The following MAOB variants were observed in gnomAD, a reference collection of about 807,000 sequenced individuals.
MAOB encodes monoamine oxidase B.
Under a neutral mutation model 41.9 loss-of-function variants are expected in MAOB, and 15 were observed. That is an observed-to-expected ratio of 0.36 (90% CI 0.24 to 0.55). The LOEUF (loss-of-function observed/expected upper bound fraction) is 0.55. MAOB is among the 20% of genes least tolerant of loss of function. The pLI is 0.86. For synonymous variants in MAOB, 167 were observed against 144.2 expected, an observed-to-expected ratio of 1.16 and a Z score of -1.13; for missense variants, 345 against 398.7, an observed-to-expected ratio of 0.87 and a Z score of 1.15.
At position 43,795,731 on chromosome X, in the gene MAOB, A is replaced by G; in HGVS notation, c.768+8T>C. On this transcript the variant is annotated splice_region_variant and intron_variant, in intron 7 of 14. Transcript: ENST00000378069. Reference sequence around the variant, plus strand: ...GATCAAATATATATTTCACAATATCACAGTTACCTCATACATCTCATGGTT... The same window carrying G: ...GATCAAATATATATTTCACAATATCGCAGTTACCTCATACATCTCATGGTT... The G allele has an allele frequency of 1.7e-6, 2 of 1,179,127 alleles. No individual in the cohort carries two copies. Among genetic ancestry groups the G allele is most frequent in the Non-Finnish European group, 2.3e-6 (2 of 873,091 alleles).
At chrX:43,773,779 A>G (rs1011199861) in intron 12 of MAOB, among the ~76,000 whole-genome samples, 2 of 111,988 alleles carry the variant, frequency 1.8e-5, no homozygotes, top group African/African-American at 6.5e-5. Flanking sequence ...CCATCGACGT[A>G]AGATGTGACT....
chrX:43,776,554 C>CT lies in MAOB; in HGVS notation c.1138-1283dup, dbSNP rs777895278. Among the ~76,000 whole-genome samples the CT allele has an allele frequency of 6.6e-3, 706 of 106,929 alleles. 8 individuals carry two copies. Among genetic ancestry groups the CT allele is most frequent in the African/African-American group, 0.022 (664 of 29,577 alleles). 92.9% of individuals were successfully genotyped at this position (106,929 alleles called of 115,157 possible). A position where few individuals can be genotyped will look rare whatever the true frequency, so the allele number is the denominator to read the frequency against. ...TACCAGGGTGAAATATCTTGAATGG[C>CT]TTTTTTTTTTAAATCAACTCCACAC... On this transcript the variant is annotated intron_variant, in intron 11 of 14. Coordinates refer to ENST00000378069, the MANE Select transcript of MAOB (RefSeq NM_000898.5).
At chrX:43,855,039 T>TC (rs2035279326) in intron 1 of MAOB, among the ~76,000 whole-genome samples, 1 of 110,552 alleles carries the variant, frequency 9.0e-6, no homozygotes, top group South Asian at 4.0e-4. Context: ...CACAAGAAGT[T>TC]CCATCCTGCC....
chrX:43,807,519 G>A (rs1416113568), intron 3 of MAOB, among the ~76,000 whole-genome samples: 1 of 112,233 alleles, frequency 8.9e-6, no homozygotes, highest in African/African-American at 3.2e-5. Flanking sequence ...TGGGCCCTAC[G>A]CTGCAAGAGC....
intron 3 of MAOB, among the ~76,000 whole-genome samples, chrX:43,831,731 G>A (rs1334613390): frequency 9.0e-6 from 1 of 111,681 alleles, no homozygotes; most frequent in African/African-American, 3.2e-5. Flanking sequence ...TGAAGGAAGT[G>A]CTAAACTTCA....
At chrX:43,850,445 G>A in intron 1 of MAOB, 1 of 752,067 alleles carries the variant, frequency 1.3e-6, no homozygotes, top group Non-Finnish European at 1.6e-6. Context: ...CATATTAGGA[G>A]GTGTTTTGGC....
chrX:43,803,136 T>G (rs1319073686), intron 4 of MAOB, among the ~76,000 whole-genome samples, 164 bp downstream of exon 4: 1 of 112,148 alleles, frequency 8.9e-6, no homozygotes, highest in Admixed American at 9.5e-5. Flanking sequence ...GTTTGACATC[T>G]TATTATTGCA....
At chrX:43,769,080 C>T (rs1022611638) in intron 13 of MAOB, among the ~76,000 whole-genome samples, 1 of 111,888 alleles carries the variant, frequency 8.9e-6, no homozygotes, top group African/African-American at 3.3e-5. Flanking sequence ...TCAGGTTGAT[C>T]GTTTGCCCCA....
intron 14 of MAOB, 110 bp downstream of exon 14, chrX:43,768,544 T>A: frequency 1.7e-6 from 1 of 588,927 alleles, no homozygotes; most frequent in Non-Finnish European, 2.8e-6. Context: ...TTAAATCACT[T>A]AGTTGAATCA....
In MAOB at chrX:43,775,192, G is replaced by T; in HGVS notation, c.1218C>A (p.Ile406=). 2 of 1,198,338 alleles carry T rather than the reference G, an allele frequency of 1.7e-6. No homozygotes were observed. Among genetic ancestry groups the T allele is most frequent in the Non-Finnish European group, 2.2e-6 (2 of 890,149 alleles). ...TACTCTACCTTCCATATTGAGTCAG[G>T]ATCCCAGGGGGGAAATAAGTTGTGT... ...GCYTTYFPPG[I]LTQYGRVLRQ... Residue 406 remains isoleucine (I), a synonymous_variant, in exon 12 of 15, where the codon ATC becomes ATA. Coordinates refer to ENST00000378069, the MANE Select transcript of MAOB (RefSeq NM_000898.5).
Position 43,856,061 on chromosome X carries a change from T to A in MAOB, c.47-12297A>T, listed in dbSNP as rs918577133. Among the ~76,000 whole-genome samples, 5 of 111,678 alleles carry A rather than the reference T, an allele frequency of 4.5e-5. No homozygotes were observed. The Admixed American group carries it at 4.7e-4, about 11-fold the overall frequency. ...TAAAACAAAAAAAACCCCAAAACTC[T>A]ACATGATTTTTTAAGCAGCGTTCAA... is the stretch of plus-strand genomic sequence containing the variant. On this transcript the variant is annotated intron_variant, in intron 1 of 14. Coordinates refer to ENST00000378069, the MANE Select transcript of MAOB (RefSeq NM_000898.5).
chrX:43,841,473 T>G (rs1309236014), intron 2 of MAOB, among the ~76,000 whole-genome samples: 2 of 111,697 alleles, frequency 1.8e-5, no homozygotes, highest in East Asian at 5.6e-4. Context: ...ATGTAAAATG[T>G]CCATACTACC....
chrX:43,804,686 G>A (rs2034640591), intron 3 of MAOB, among the ~76,000 whole-genome samples: 1 of 111,735 alleles, frequency 8.9e-6, no homozygotes, highest in Non-Finnish European at 1.9e-5. Context: ...AGGAAGAGTT[G>A]CAGTTTGACT....
At chrX:43,830,962 G>A (rs895710745) in intron 3 of MAOB, among the ~76,000 whole-genome samples, 1 of 107,961 alleles carries the variant, frequency 9.3e-6, no homozygotes, top group African/African-American at 3.4e-5. Context: ...CATAAATAAC[G>A]TGGCCAAGGA....
chrX:43,817,491 T>C (rs1457131416), intron 3 of MAOB, among the ~76,000 whole-genome samples: 1 of 111,813 alleles, frequency 8.9e-6, no homozygotes, highest in Admixed American at 9.5e-5. Flanking sequence ...TTGTTAATTC[T>C]CTCTCTGCTT....
intron 3 of MAOB, among the ~76,000 whole-genome samples, chrX:43,834,512 T>C (rs1467566997): frequency 8.9e-6 from 1 of 112,277 alleles, no homozygotes; most frequent in Non-Finnish European, 1.9e-5. Flanking sequence ...TTCTTAGTAC[T>C]GAGAGGCCAT....
intron 8 of MAOB, among the ~76,000 whole-genome samples, chrX:43,785,275 T>C (rs1453512937): frequency 8.8e-6 from 1 of 113,016 alleles, no homozygotes; most frequent in Non-Finnish European, 1.9e-5. Flanking sequence ...TGCACTTTTA[T>C]GTTATGGGGA....
At chrX:43,840,269 C>T (rs1170461783) in intron 2 of MAOB, among the ~76,000 whole-genome samples, 1 of 111,201 alleles carries the variant, frequency 9.0e-6, no homozygotes, top group Non-Finnish European at 1.9e-5. Flanking sequence ...TCCTATGGCA[C>T]CACTCCAAGC....
rs1177317384 is a variant in MAOB, at chrX:43,803,289, A to G, written c.384+11T>C. 1 of 1,126,274 alleles carries G rather than the reference A, an allele frequency of 8.9e-7. No individual in the cohort carries two copies. The highest frequency in any genetic ancestry group is 1.2e-6 in the Non-Finnish European group (1 of 855,963). The allele number at this position is 1,126,274 out of a possible 1,213,427, so 92.8% of individuals were successfully genotyped here. On this transcript the variant is annotated intron_variant, in intron 4 of 14. Transcript: ENST00000378069. The stretch of plus-strand genomic sequence containing the variant: ...CAAAAAAGAATACAAATATAGTCAA[A>G]GAAGCTTTACCTCTCGCCCCATGTC...
Sources: gnomAD v4.1 joint callset for allele counts (sites outside exome capture counted in the v4.1 genomes callset) on GRCh38, gnomAD v4.1.1 for gene constraint, MANE v1.5 for transcripts, NCBI Gene and HGNC (gene_info 2026-07-23, HGNC 2026-07-21) for gene names.